SLC16A9: variants seen among roughly 807,000 people sequenced by gnomAD.
SLC16A9 encodes the protein solute carrier family 16 member 9.
A neutral mutation model predicts 44.3 loss-of-function variants in SLC16A9; 26 were observed. That is an observed-to-expected ratio of 0.59 (90% confidence interval 0.43 to 0.81). The LOEUF (loss-of-function observed/expected upper bound fraction) is 0.81. SLC16A9 is among the 40% of genes least tolerant of loss of function. The pLI is 0.00. For synonymous variants in SLC16A9, 230 were observed against 225.1 expected (o/e 1.02, Z -0.19); for missense variants, 559 against 595.8 (o/e 0.94, Z 0.64).
intron 1 of SLC16A9, among the ~76,000 whole-genome samples, chr10:59,696,987 G>A (rs1381300341): frequency 8.0e-5 from 10 of 125,108 alleles, no homozygotes; most frequent in Non-Finnish European, 1.0e-4. Context: ...AGGTGGGGGG[G>A]TCAGCCCCCC....
chr10:59,670,929 A>T (rs908091387), intron 3 of SLC16A9, among the ~76,000 whole-genome samples: 3 of 152,194 alleles, frequency 2.0e-5, no homozygotes, highest in Non-Finnish European at 4.4e-5. Flanking sequence ...GCAAGCAGTA[A>T]CTCACAGGTC....
chr10:59,677,302 A>G (rs1171603), intron 2 of SLC16A9, among the ~76,000 whole-genome samples: 102,414 of 151,688 alleles, frequency 0.68, 35,169 homozygotes, highest in East Asian at 0.93. Flanking sequence ...TGTTGCCCAG[A>G]CTGGTCTTAA....
In SLC16A9 at chr10:59,651,913, G is replaced by A. The variant is rs914736444; in HGVS notation, c.*859C>T. 1.3e-5 allele frequency: 2 copies of A among 152,196 alleles called. No individual in the cohort carries two copies. The highest frequency in any genetic ancestry group is 2.9e-5 in the Non-Finnish European group (2 of 68,034). 9.4% of individuals were successfully genotyped at this position (152,196 alleles called of 1,614,324 possible). On this transcript the variant is annotated 3_prime_UTR_variant, in exon 6 of 6. Coordinates refer to ENST00000395348, the MANE Select transcript of SLC16A9 (RefSeq NM_194298.3). ...ATCCCCACTGTGCCCAAAGCAAATG[G>A]ATGTTTCCCATTTGCCAGAACGGAA... is the stretch of plus-strand genomic sequence containing the variant.
Position 59,684,164 on chromosome 10 carries a change from G to A in SLC16A9, c.128C>T (p.Ala43Val), listed in dbSNP as rs752279993. 6.2e-7 allele frequency: 1 copy of A among 1,613,830 alleles called. No homozygotes were observed. The highest frequency in any genetic ancestry group is 1.7e-4 in the Middle Eastern group (1 of 6,060). The change falls in exon 2 of 6, where the codon GCC (alanine) becomes GTC (valine). Residue 43 changes from alanine to valine, a missense_variant. Physicochemically the swap from Ala to Val is moderately conservative, Grantham distance 64. Transcript: ENST00000395348. ...VGVLYIEWLD[A>V]FGEGKGKTAW... ...TGTTTTTCCTTTTCCTTCACCAAAG[G>A]CATCCAGCCATTCTATGTACAGGAC...
In SLC16A9 at chr10:59,693,786, A is replaced by AT. The variant is rs980513077; in HGVS notation, c.-36-9460dup. Among the ~76,000 whole-genome samples the AT allele has an allele frequency of 6.0e-4, 76 of 126,126 alleles. 4 individuals carry two copies. The highest frequency in any genetic ancestry group is 8.5e-5 in the Non-Finnish European group (5 of 58,856). 82.7% of individuals were successfully genotyped at this position (126,126 alleles called of 152,430 possible). A position where few individuals can be genotyped will look rare whatever the true frequency, so the allele number is the denominator to read the frequency against. On this transcript the variant is annotated intron_variant, in intron 1 of 5. Transcript: ENST00000395348. ...AGGCGCCCGCCACCACACCCGGCTA[A>AT]TTTTTTTGTATTTTTAGTAAGACGG...
In SLC16A9 at chr10:59,706,903, G is replaced by A. The variant is rs751431255; in HGVS notation, c.-37+2576C>T. On this transcript the variant is annotated intron_variant, in intron 1 of 5. Transcript: ENST00000395348. The stretch of plus-strand genomic sequence containing the variant: ...GCAGAAGAACTGCTTGAACCCGGGA[G>A]GCAGAGGTTGCAGTAAGCCAAGATT... Among the ~76,000 whole-genome samples the A allele has an allele frequency of 7.5e-4, 113 of 150,858 alleles. 1 individual carries two copies. Among genetic ancestry groups the A allele is most frequent in the Non-Finnish European group, 1.1e-3 (76 of 67,832 alleles).
At chr10:59,706,961 CA>C (rs1205568243) in intron 1 of SLC16A9, among the ~76,000 whole-genome samples, 1 of 101,766 alleles carries the variant, frequency 9.8e-6, no homozygotes, top group East Asian at 3.3e-4. Flanking sequence ...GTGACAACAG[CA>C]AAACTCCATC....
intron 1 of SLC16A9, among the ~76,000 whole-genome samples, chr10:59,689,533 T>C (rs1840208170): frequency 6.6e-6 from 1 of 152,116 alleles, no homozygotes; most frequent in Non-Finnish European, 1.5e-5. Flanking sequence ...AAATGCTATA[T>C]AAGGAAAGGA....
At position 59,664,279 on chromosome 10, in the gene SLC16A9, C is replaced by G; in HGVS notation, c.384G>C (p.Thr128=). 2 of 1,612,406 alleles carry G rather than the reference C, an allele frequency of 1.2e-6. No individual in the cohort carries two copies. The highest frequency in any genetic ancestry group is 1.7e-6 in the Non-Finnish European group (2 of 1,179,000). The change falls in exon 4 of 6, where the codon ACG becomes ACC. Residue 128 remains threonine (T), a synonymous_variant. Coordinates refer to ENST00000395348, the MANE Select transcript of SLC16A9 (RefSeq NM_194298.3). ...CTCGGCGATCGTCAAAATACTGGCA[C>G]GTAATGGTCACTGTTGCAGTGTATA... The part of the protein sequence containing the change: ...GLLYTATVTI[T]CQYFDDRRGL...
chr10:59,677,127 T>G (rs1162515687), intron 2 of SLC16A9, among the ~76,000 whole-genome samples: 3 of 151,684 alleles, frequency 2.0e-5, no homozygotes, highest in Non-Finnish European at 4.4e-5. Flanking sequence ...TTGCCTTTGG[T>G]GAAAGTTTTT....
chr10:59,670,009 T>A (rs1165204517), intron 3 of SLC16A9, among the ~76,000 whole-genome samples: 1 of 152,326 alleles, frequency 6.6e-6, no homozygotes, highest in East Asian at 1.9e-4. Flanking sequence ...TAAAACAGAA[T>A]TATATCATTT....
At chr10:59,660,660 A>G (rs1839452825) in intron 4 of SLC16A9, among the ~76,000 whole-genome samples, 1 of 152,244 alleles carries the variant, frequency 6.6e-6, no homozygotes, top group Non-Finnish European at 1.5e-5. Flanking sequence ...GTATGAGGCC[A>G]GCATCATCCT....
rs55822925 is a variant in SLC16A9 at position 59,681,762 on chromosome 10, G to GTATATATAT, written c.196+2333_196+2334insATATATATA. ...ATATGATGTATATGTATATGTATAT[G>GTATATATAT]ATGTATATGTATATGTATATGATGT... On this transcript the variant is annotated intron_variant, in intron 2 of 5. Coordinates refer to ENST00000395348, the MANE Select transcript of SLC16A9 (RefSeq NM_194298.3). 2.7e-3 allele frequency among the ~76,000 whole-genome samples: 9 copies of GTATATATAT among 3,326 alleles called. 1 individual carries two copies. The Non-Finnish European group carries it at 0.032, about 12-fold the overall frequency. The allele number at this position is 3,326 out of a possible 152,430, so 2.2% of individuals were successfully genotyped here. A position where few individuals can be genotyped will look rare whatever the true frequency, so the allele number is the denominator to read the frequency against.
intron 1 of SLC16A9, among the ~76,000 whole-genome samples, chr10:59,694,833 C>T (rs5785402): frequency 0.13 from 12,356 of 96,394 alleles, 1,607 homozygotes; most frequent in Middle Eastern, 0.2. Context: ...CACACACACA[C>T]ATATATATAC....
chr10:59,701,421 T>C (rs1354195869), intron 1 of SLC16A9, among the ~76,000 whole-genome samples: 3 of 152,208 alleles, frequency 2.0e-5, no homozygotes, highest in African/African-American at 7.2e-5. Context: ...TTTCAGATCC[T>C]TCCATGGTTC....
At chr10:59,685,228 A>G (rs1252503482) in intron 1 of SLC16A9, among the ~76,000 whole-genome samples, 1 of 152,170 alleles carries the variant, frequency 6.6e-6, no homozygotes, top group Admixed American at 6.6e-5. Context: ...ATCCTTAGTC[A>G]TTTTTATAAG....
intron 1 of SLC16A9, among the ~76,000 whole-genome samples, chr10:59,706,707 TCACGCCTGTAATCC>T (rs1217073470): frequency 1.3e-5 from 2 of 151,512 alleles, no homozygotes; most frequent in East Asian, 2.0e-4. Flanking sequence ...GCGTGGTGGC[TCACGCCTGTAATCC>T]CAGCACTTTG....
intron 1 of SLC16A9, among the ~76,000 whole-genome samples, chr10:59,691,774 C>T (rs1840258307): frequency 6.6e-6 from 1 of 152,158 alleles, no homozygotes; most frequent in Non-Finnish European, 1.5e-5. Flanking sequence ...TCAAATAATG[C>T]CAATCCTTTG....
chr10:59,690,541 C>T (rs570801276), intron 1 of SLC16A9, among the ~76,000 whole-genome samples: 5 of 152,184 alleles, frequency 3.3e-5, no homozygotes, highest in South Asian at 4.1e-4. Flanking sequence ...CATAGAAGGG[C>T]GGCCAAGGCA....
Sources: gnomAD v4.1 joint callset for allele counts (sites outside exome capture counted in the v4.1 genomes callset) on GRCh38, gnomAD v4.1.1 for gene constraint, MANE v1.5 for transcripts, NCBI Gene and HGNC (gene_info 2026-07-23, HGNC 2026-07-21) for gene names.